NCS1: variants seen among roughly 807,000 people sequenced by gnomAD.
The protein encoded by NCS1 is frequenin homolog.
A neutral mutation model predicts 28.4 loss-of-function variants in NCS1; 6 were observed. That is an observed-to-expected ratio of 0.21 (90% CI 0.12 to 0.42). NCS1 has a LOEUF of 0.42. Ranked by LOEUF, NCS1 falls within the 10% of genes least tolerant of loss-of-function variation. The probability of loss-of-function intolerance (pLI) is 1.00; values close to 1 mark genes in which losing one functional copy is unlikely to be tolerated. For synonymous variants in NCS1, 86 were observed against 99.3 expected (o/e 0.87, Z 0.79); for missense variants, 131 against 241.4 (o/e 0.54, Z 3.03).
rs1001437846 is a variant in NCS1, at chr9:130,181,355, C to T, written c.64+8628C>T. Among the ~76,000 whole-genome samples the T allele has an allele frequency of 6.6e-6, 1 of 152,166 alleles. No homozygotes were observed. The highest frequency in any genetic ancestry group is 1.5e-5 in the Non-Finnish European group (1 of 68,026). ...GGCTCATCTCGGCCCTCCTTTTGCT[C>T]CTGGTGGTGGTGGAGGATCTGCGAG... On this transcript the variant is annotated intron_variant, in intron 1 of 7. Transcript: ENST00000372398. This position sits in a 1 kb window ranked among gnomAD's most constrained non-coding sequence, Gnocchi z 5.0.
intron 2 of NCS1, among the ~76,000 whole-genome samples, chr9:130,214,849 A>G (rs1554909159): frequency 6.6e-6 from 1 of 152,110 alleles, no homozygotes; most frequent in Non-Finnish European, 1.5e-5. Context: ...CCCCACAGTA[A>G]TAACCTCTGC....
At chr9:130,190,065 A>AGAGAGAGAGAGAGAG (rs61046186) in intron 1 of NCS1, among the ~76,000 whole-genome samples, 19 of 146,628 alleles carry the variant, frequency 1.3e-4, no homozygotes, top group African/African-American at 2.6e-4. Context: ...AGAGAGAGAG[A>AGAGAGAGAGAGAGAG]ATATATGTGG....
intron 2 of NCS1, among the ~76,000 whole-genome samples, chr9:130,212,773 A>G (rs1272357163): frequency 1.3e-5 from 2 of 151,896 alleles, no homozygotes; most frequent in African/African-American, 4.8e-5. Flanking sequence ...CTTGGGCATG[A>G]TCTTCATCAT....
intron 1 of NCS1, chr9:130,200,545 C>T (rs1019688608): frequency 6.4e-7 from 1 of 1,551,234 alleles, no homozygotes; most frequent in Non-Finnish European, 8.7e-7. Flanking sequence ...GGTGGGGCAG[C>T]CGAGTGCCTG....
intron 1 of NCS1, among the ~76,000 whole-genome samples, chr9:130,190,535 C>T (rs374844276): frequency 3.3e-5 from 5 of 152,126 alleles, no homozygotes; most frequent in Admixed American, 6.5e-5. Flanking sequence ...TATGTCAGTG[C>T]GACTTGATCT....
intron 1 of NCS1, among the ~76,000 whole-genome samples, chr9:130,193,167 A>G (rs1445001283): frequency 6.6e-6 from 1 of 152,200 alleles, no homozygotes; most frequent in Non-Finnish European, 1.5e-5. Context: ...GGCTTGGGGC[A>G]GAGCACCCTA....
At position 130,176,194 on chromosome 9, in the gene NCS1, C is replaced by CTTTCTTTCT. The variant is rs1554904576; in HGVS notation, c.64+3470_64+3471insCTTTCTTTT. On this transcript the variant is annotated intron_variant, in intron 1 of 7. Coordinates refer to ENST00000372398, the MANE Select transcript of NCS1 (RefSeq NM_014286.4). ...TCTTTCTTTCTTTCTTTCTTTCTTT[C>CTTTCTTTCT]TTTTTTTTTTTTTTTGGAGACAGGG... 8.6e-3 allele frequency among the ~76,000 whole-genome samples: 430 copies of CTTTCTTTCT among 50,100 alleles called. 4 individuals carry two copies. Among genetic ancestry groups the CTTTCTTTCT allele is most frequent in the Non-Finnish European group, 0.013 (359 of 28,508 alleles). The allele number at this position is 50,100 out of a possible 152,430, so 32.9% of individuals were successfully genotyped here.
chr9:130,226,131 G>A lies in NCS1; in HGVS notation c.475-258G>A, dbSNP rs111416451. On this transcript the variant is annotated intron_variant, in intron 6 of 7. Coordinates refer to ENST00000372398, the MANE Select transcript of NCS1 (RefSeq NM_014286.4). The surrounding 1 kb of genome is among the most constrained non-coding windows in gnomAD (Gnocchi z 4.8). ...TTGGTCAAGCACAGAGCTGTCACCCGAGTGCCTGGAGGAAGCCAGGTAATT... is the reference window on the plus strand; with the variant it reads ...TTGGTCAAGCACAGAGCTGTCACCCAAGTGCCTGGAGGAAGCCAGGTAATT... Among the ~76,000 whole-genome samples, 5 of 152,332 alleles carry A rather than the reference G, an allele frequency of 3.3e-5. No homozygotes were observed. Among genetic ancestry groups the A allele is most frequent in the African/African-American group, 9.6e-5 (4 of 41,582 alleles).
intron 7 of NCS1, among the ~76,000 whole-genome samples, chr9:130,227,022 CAAAAAAAAAAAAAAAAAGAAAAG>C (rs1833425423): frequency 2.3e-5 from 1 of 42,712 alleles, no homozygotes; most frequent in South Asian, 8.3e-4. Context: ...GACTCCATCT[CAAAAAAAAAAAAAAAAAGAAAAG>C]AAAAAAAAAA....
At chr9:130,203,907 C>T (rs1230576315) in intron 2 of NCS1, among the ~76,000 whole-genome samples, 1 of 152,206 alleles carries the variant, frequency 6.6e-6, no homozygotes, top group Non-Finnish European at 1.5e-5. Context: ...GGGCCTTCTC[C>T]TGGAGCCGCA....
At chr9:130,225,152 A>G in intron 6 of NCS1, among the ~76,000 whole-genome samples, 1 of 152,220 alleles carries the variant, frequency 6.6e-6, no homozygotes, top group East Asian at 1.9e-4. Context: ...TGATGGTGCC[A>G]TTGCACTCCA....
intron 2 of NCS1, among the ~76,000 whole-genome samples, chr9:130,216,582 G>T (rs1554909413): frequency 1.3e-5 from 2 of 152,078 alleles, no homozygotes; most frequent in South Asian, 4.1e-4. Context: ...TGGGTGTGGT[G>T]GTACATGCCT....
chr9:130,183,675 C>G (rs1298960240), intron 1 of NCS1, among the ~76,000 whole-genome samples: 6 of 145,492 alleles, frequency 4.1e-5, no homozygotes, highest in Non-Finnish European at 4.6e-5. Context: ...CCTTCTCTCT[C>G]TTTCTTCCTT....
In NCS1 at chr9:130,210,843, C is replaced by CTTTTTTTTTT. The variant is rs3055582; in HGVS notation, c.90-6985_90-6976dup. Reference sequence around the variant, plus strand: ...TTCAACACCTTTTTCTTTTTCTTTTCTTTTTTTTTTTTTGAGACAGGGTCT... The same window carrying CTTTTTTTTTT: ...TTCAACACCTTTTTCTTTTTCTTTTCTTTTTTTTTTTTTTTTTTTTTTTGAGACAGGGTCT... On this transcript the variant is annotated intron_variant, in intron 2 of 7. Transcript: ENST00000372398. Among the ~76,000 whole-genome samples the CTTTTTTTTTT allele has an allele frequency of 9.9e-5, 14 of 141,058 alleles. 1 individual carries two copies. Among genetic ancestry groups the CTTTTTTTTTT allele is most frequent in the South Asian group, 6.9e-4 (3 of 4,340 alleles). The allele number at this position is 141,058 out of a possible 152,430, so 92.5% of individuals were successfully genotyped here. A position where few individuals can be genotyped will look rare whatever the true frequency, so the allele number is the denominator to read the frequency against.
In NCS1 at chr9:130,172,655, C is replaced by T. The variant is rs546800816; in HGVS notation, c.-9C>T. 46 of 1,462,266 alleles carry T rather than the reference C, an allele frequency of 3.1e-5. No homozygotes were observed. In the Middle Eastern group the frequency reaches 1.1e-3, roughly 36 times the overall value. The allele number at this position is 1,462,266 out of a possible 1,614,324, so 90.6% of individuals were successfully genotyped here. On this transcript the variant is annotated 5_prime_UTR_variant, in exon 1 of 8. Coordinates refer to ENST00000372398, the MANE Select transcript of NCS1 (RefSeq NM_014286.4). ...CGGCCCGGGGGGGCGGGGGCCGCGG[C>T]CGCCGAGGATGGGGAAATCCAACAG... is the stretch of plus-strand genomic sequence containing the variant.
intron 3 of NCS1, 26 bp downstream of exon 3, chr9:130,217,996 C>A (rs782048190): frequency 6.2e-7 from 1 of 1,613,574 alleles, no homozygotes; most frequent in Non-Finnish European, 8.5e-7. Flanking sequence ...ATGGGGCCTG[C>A]GGCAGCTGGC....
In NCS1 at chr9:130,191,983, G is replaced by A. The variant is rs534329425; in HGVS notation, c.65-8975G>A. 3.3e-5 allele frequency among the ~76,000 whole-genome samples: 5 copies of A among 152,262 alleles called. No homozygotes were observed. Among genetic ancestry groups the A allele is most frequent in the African/African-American group, 4.8e-5 (2 of 41,548 alleles). On this transcript the variant is annotated intron_variant, in intron 1 of 7. Transcript: ENST00000372398. This position sits in a 1 kb window ranked among gnomAD's most constrained non-coding sequence, Gnocchi z 6.4. ...GGAGGGCAGAAGGGCTGGGGAACGC[G>A]CGGCGAGTGGGTCAGGGCGAGGGGC...
At position 130,180,286 on chromosome 9, in the gene NCS1, G is replaced by A. The variant is rs1315012077; in HGVS notation, c.64+7559G>A. 1.3e-5 allele frequency among the ~76,000 whole-genome samples: 2 copies of A among 151,998 alleles called. No individual in the cohort carries two copies. Among genetic ancestry groups the A allele is most frequent in the Non-Finnish European group, 2.9e-5 (2 of 67,998 alleles). ...TAGCCTCAAGTGGTGCACCCACCTT[G>A]GCCTCCCAAAGTGCTGGGATTACAG... On this transcript the variant is annotated intron_variant, in intron 1 of 7. Transcript: ENST00000372398. This position sits in a 1 kb window ranked among gnomAD's most constrained non-coding sequence, Gnocchi z 4.5.
intron 1 of NCS1, among the ~76,000 whole-genome samples, chr9:130,195,238 C>T (rs1832863186): frequency 6.6e-6 from 1 of 152,174 alleles, no homozygotes; most frequent in Non-Finnish European, 1.5e-5. Flanking sequence ...GCTTGCTGGG[C>T]TGGCCAAGGC....
Sources: gnomAD v4.1 joint callset for allele counts (sites outside exome capture counted in the v4.1 genomes callset) on GRCh38, gnomAD v4.1.1 for gene constraint, Gnocchi (gnomAD v3.1) non-coding constraint, MANE v1.5 for transcripts, NCBI Gene and HGNC (gene_info 2026-07-23, HGNC 2026-07-21) for gene names.